The following TMEM25 variants were observed in gnomAD, a reference collection of about 807,000 sequenced individuals.
TMEM25 encodes the protein transmembrane protein 25, also known as 0610039J01Rik.
Under a neutral mutation model 37.0 loss-of-function variants are expected in TMEM25, and 36 were observed. The ratio of observed to expected loss-of-function variants is 0.97; its 90% confidence interval spans 0.75 to 1.28. The LOEUF (loss-of-function observed/expected upper bound fraction) is 1.28. Ranked by LOEUF, TMEM25 falls within the 50% of genes most tolerant of loss-of-function variation. The pLI, the probability that TMEM25 is intolerant of heterozygous loss-of-function variation, is 0.00. For synonymous variants in TMEM25, 197 were observed against 203.7 expected (o/e 0.97, Z 0.28); for missense variants, 444 against 477.9 (o/e 0.93, Z 0.66).
chr11:118,531,449 C>T (rs376075931), intron 1 of TMEM25: 1 of 447,842 alleles, frequency 2.2e-6, no homozygotes, highest in East Asian at 4.2e-5. Context: ...GGGGGAGGGG[C>T]GCGTGGAGTA....
chr11:118,545,412 T>C, intron 8 of TMEM25: 1 of 1,607,770 alleles, frequency 6.2e-7, no homozygotes, highest in Non-Finnish European at 8.5e-7. Flanking sequence ...GGCTCACCTG[T>C]GAGTTCTTGA....
At chr11:118,540,035 A>G (rs1951558677), downstream of TMEM25, among the ~76,000 whole-genome samples, 1 of 151,684 alleles carries the variant, frequency 6.6e-6, no homozygotes, top group Non-Finnish European at 1.5e-5. Context: ...AAAAAAAAAA[A>G]AAAATTACAT....
chr11:118,539,314 C>T (rs547538033), downstream of TMEM25, among the ~76,000 whole-genome samples: 9 of 151,910 alleles, frequency 5.9e-5, no homozygotes, highest in South Asian at 2.1e-4. Flanking sequence ...GCTACAGGTG[C>T]GTGCCACCAC....
intron 1 of TMEM25, 36 bp downstream of exon 1, chr11:118,531,270 T>C (rs1439218532): frequency 1.4e-5 from 5 of 361,182 alleles, no homozygotes; most frequent in Non-Finnish European, 2.6e-5. Flanking sequence ...GGGGGCGGGA[T>C]GCTCGGCGAC....
downstream of TMEM25, among the ~76,000 whole-genome samples, chr11:118,537,327 C>T (rs1246478736): frequency 6.6e-6 from 1 of 151,502 alleles, no homozygotes; most frequent in Non-Finnish European, 1.5e-5. Context: ...GATGACAGAG[C>T]AAGACTCCGT....
downstream of TMEM25, among the ~76,000 whole-genome samples, chr11:118,536,736 G>C (rs904543393): frequency 5.3e-5 from 8 of 152,158 alleles, no homozygotes; most frequent in Non-Finnish European, 1.2e-4. Flanking sequence ...CTCAGGACTG[G>C]GCTAAAGTAT....
rs1474693011 is a variant in TMEM25, at chr11:118,545,667, A to G, written c.1028-452A>G. The G allele has an allele frequency of 7.6e-6, 9 of 1,183,940 alleles. No homozygotes were observed. The East Asian group carries it at 1.2e-4, about 15-fold the overall frequency. 73.3% of individuals were successfully genotyped at this position (1,183,940 alleles called of 1,614,324 possible). On this transcript the variant is annotated intron_variant, in intron 8 of 8. Transcript: ENST00000354284. ...ACACCACCTTTGAGTGCTGCCAAAG[A>G]GCACAACGGGCTTAAAGTGAAGGCT...
rs1951468099 is a variant in TMEM25, at chr11:118,534,949, A to G, written c.*369A>G. 1.1e-5 allele frequency: 12 copies of G among 1,115,372 alleles called. No individual in the cohort carries two copies. In the South Asian group the frequency reaches 3.2e-4, roughly 30 times the overall value. The allele number at this position is 1,115,372 out of a possible 1,614,324, so 69.1% of individuals were successfully genotyped here. ...ATACCCCACCCCAGTACTCCACAGC[A>G]CCTTGTACAGTAGGCATGGGGGCGT... On this transcript the variant is annotated 3_prime_UTR_variant, in exon 9 of 9. Coordinates refer to ENST00000313236, the MANE Select transcript of TMEM25 (RefSeq NM_032780.4). The surrounding 1 kb of genome is among the most constrained non-coding windows in gnomAD (Gnocchi z 4.6).
intron 2 of TMEM25, 55 bp downstream of exon 2, chr11:118,531,926 C>CT: frequency 2.6e-6 from 4 of 1,540,356 alleles, no homozygotes; most frequent in Non-Finnish European, 3.5e-6. Flanking sequence ...AGCCCCCTCT[C>CT]TCCCCTGTCT....
In TMEM25 at chr11:118,534,069, C is replaced by T. The variant is rs137969398; in HGVS notation, c.877C>T (p.Arg293Trp). 1.4e-4 allele frequency: 231 copies of T among 1,614,018 alleles called. 2 individuals are homozygous for T. Among genetic ancestry groups the T allele is most frequent in the Non-Finnish European group, 1.7e-4 (204 of 1,180,028 alleles). Reference protein sequence around the residue: ...NLKLNNVRLPRENMSLPSNLQ... With the variant: ...NLKLNNVRLPWENMSLPSNLQ... ...AAAACTCAACAACGTGCGCCTGCCA[C>T]GGGAGAACATGTCCCTCCCGTCCAA... Residue 293 changes from arginine (R) to tryptophan (W), a missense_variant, in exon 7 of 9, where the codon CGG becomes TGG. Arg to Trp is a moderately radical substitution (Grantham distance 101, BLOSUM62 -3). Coordinates refer to ENST00000313236, the MANE Select transcript of TMEM25 (RefSeq NM_032780.4). The surrounding 1 kb of genome is among the most constrained non-coding windows in gnomAD (Gnocchi z 4.6).
chr11:118,534,533 T>C lies in TMEM25; in HGVS notation c.1054T>C (p.Tyr352His), dbSNP rs1591343745. Reference sequence around the variant, plus strand: ...TTTCATCCGCCTCCCAGTGCTGGGCTATATCTATCGAGTGTCCAGCGTGAG... The same window carrying C: ...TTTCATCCGCCTCCCAGTGCTGGGCCATATCTATCGAGTGTCCAGCGTGAG... ...QGFIRLPVLG[Y>H]IYRVSSVSSD... Residue 352 changes from tyrosine (Y) to histidine (H), a missense_variant, in exon 9 of 9, where the codon TAT becomes CAT. By Grantham distance (83) the Tyr-to-His change is moderately conservative. Transcript: ENST00000313236. The surrounding 1 kb of genome is among the most constrained non-coding windows in gnomAD (Gnocchi z 4.6). 1 of 1,614,238 alleles carries C rather than the reference T, an allele frequency of 6.2e-7. No homozygotes were observed. Among genetic ancestry groups the C allele is most frequent in the South Asian group, 1.1e-5 (1 of 91,086 alleles).
At chr11:118,538,640 C>T (rs1555064432), downstream of TMEM25, among the ~76,000 whole-genome samples, 1 of 152,060 alleles carries the variant, frequency 6.6e-6, no homozygotes, top group Non-Finnish European at 1.5e-5. Flanking sequence ...CACCTGTAAT[C>T]CCAGCACTTT....
Position 118,535,799 on chromosome 11 carries a change from A to G in TMEM25, c.*1219A>G, listed in dbSNP as rs1479958702. On this transcript the variant is annotated 3_prime_UTR_variant, in exon 9 of 9. Coordinates refer to ENST00000313236, the MANE Select transcript of TMEM25 (RefSeq NM_032780.4). Reference sequence around the variant, plus strand: ...TACTGCCTAGGGCGGTGCTGAGCACACAGCAAGTTTAATAAACTTGACTGA... The same window carrying G: ...TACTGCCTAGGGCGGTGCTGAGCACGCAGCAAGTTTAATAAACTTGACTGA... 7.9e-7 allele frequency: 1 copy of G among 1,260,918 alleles called. No individual in the cohort carries two copies. Among genetic ancestry groups the G allele is most frequent in the African/African-American group, 1.5e-5 (1 of 65,058 alleles). 78.1% of individuals were successfully genotyped at this position (1,260,918 alleles called of 1,614,324 possible). A position where few individuals can be genotyped will look rare whatever the true frequency, so the allele number is the denominator to read the frequency against.
downstream of TMEM25, among the ~76,000 whole-genome samples, chr11:118,536,813 A>G (rs1951515874): frequency 6.6e-6 from 1 of 152,040 alleles, no homozygotes; most frequent in African/African-American, 2.4e-5. Context: ...TTTTTTGTAC[A>G]AAGTTATGAG....
At chr11:118,541,111 CT>C (rs1379948227) in intron 8 of TMEM25, among the ~76,000 whole-genome samples, 16 of 152,164 alleles carry the variant, frequency 1.1e-4, no homozygotes, top group Admixed American at 1.0e-3. Flanking sequence ...CTCAATAAAG[CT>C]GTTGTTTAAA....
At chr11:118,531,610 G>A in intron 1 of TMEM25, 165 bp from the exon 2 acceptor site, 2 of 604,528 alleles carry the variant, frequency 3.3e-6, no homozygotes, top group Non-Finnish European at 5.8e-6. Flanking sequence ...GGGTGGGTCT[G>A]TGCCTTTGGG....
At chr11:118,533,702 G>T (rs1951404408) in intron 5 of TMEM25, 151 bp downstream of exon 5, 2 of 1,558,982 alleles carry the variant, frequency 1.3e-6, no homozygotes. Context: ...ATCCCAGGTA[G>T]CAGGGTCAAG....
chr11:118,539,081 T>A (rs1951545579), downstream of TMEM25, among the ~76,000 whole-genome samples: 1 of 152,146 alleles, frequency 6.6e-6, no homozygotes, highest in Non-Finnish European at 1.5e-5. Flanking sequence ...CATTATTTAT[T>A]TTGCTGTGCG....
In TMEM25 at chr11:118,534,647, T is replaced by TG; in HGVS notation, c.*67_*68insG. 1.9e-6 allele frequency: 3 copies of TG among 1,589,354 alleles called. No homozygotes were observed. The South Asian group carries it at 3.4e-5, about 18-fold the overall frequency. The stretch of plus-strand genomic sequence containing the variant: ...CCTCCCGTTCCTCCAAGGCATCCTC[T>TG]ACCTAGCTAGGTCACCAACGTGAAG... On this transcript the variant is annotated 3_prime_UTR_variant, in exon 9 of 9. Coordinates refer to ENST00000313236, the MANE Select transcript of TMEM25 (RefSeq NM_032780.4). The surrounding 1 kb of genome is among the most constrained non-coding windows in gnomAD (Gnocchi z 4.6).
Sources: gnomAD v4.1 joint callset for allele counts (sites outside exome capture counted in the v4.1 genomes callset) on GRCh38, gnomAD v4.1.1 for gene constraint, Gnocchi (gnomAD v3.1) non-coding constraint, MANE v1.5 for transcripts, NCBI Gene and HGNC (gene_info 2026-07-23, HGNC 2026-07-21) for gene names.